Variants in TMEM260 observed in about 807,000 individuals in gnomAD.
TMEM260 encodes transmembrane protein 260.
Under a neutral mutation model 88.9 loss-of-function variants are expected in TMEM260, and 82 were observed. That is an observed-to-expected ratio of 0.92 (90% CI 0.77 to 1.11). The LOEUF (loss-of-function observed/expected upper bound fraction) is 1.11, where lower values mean the gene tolerates loss of function less well. Among genes scored for constraint, TMEM260 ranks in the 50% least tolerant of loss-of-function variants. TMEM260 has a pLI of 0.00. For synonymous variants in TMEM260, 314 were observed against 309.3 expected (o/e 1.02, Z -0.16); for missense variants, 902 against 853.4 (o/e 1.06, Z -0.71).
At chr14:56,662,554 C>A in the TMEM260 span, among the ~76,000 whole-genome samples, 1 of 152,140 alleles carries the variant, frequency 6.6e-6, no homozygotes, top group Non-Finnish European at 1.5e-5. Flanking sequence ...CAGAACCACC[C>A]CTGTGCCCAC....
In TMEM260 at chr14:56,612,025, TGG is replaced by T. The variant is rs546474109; in HGVS notation, c.817-218_817-217del. ...GGAATGGATTAAAAAAACTACCTAT[TGG>T]GTACTATGCTTATTACCTGGGTGAT... is the stretch of plus-strand genomic sequence containing the variant. On this transcript the variant is annotated intron_variant, in intron 6 of 15. Transcript: ENST00000261556. 2.1e-3 allele frequency among the ~76,000 whole-genome samples: 314 copies of T among 152,314 alleles called. 1 individual carries two copies. The highest frequency in any genetic ancestry group is 3.5e-3 in the Non-Finnish European group (236 of 68,004).
intron 3 of TMEM260, among the ~76,000 whole-genome samples, chr14:56,600,784 A>G (rs1023492898): frequency 6.6e-6 from 1 of 152,240 alleles, no homozygotes; most frequent in African/African-American, 2.4e-5. Flanking sequence ...TAGGACACCA[A>G]GGCAAATTCC....
chr14:56,593,525 A>G (rs926370855), intron 3 of TMEM260, among the ~76,000 whole-genome samples: 8 of 151,906 alleles, frequency 5.3e-5, no homozygotes, highest in African/African-American at 1.7e-4. Context: ...TTATTTATAT[A>G]AAACAAAATG....
chr14:56,582,685 G>A (rs977254526), intron 1 of TMEM260, among the ~76,000 whole-genome samples: 7 of 152,128 alleles, frequency 4.6e-5, no homozygotes, highest in Non-Finnish European at 7.4e-5. Context: ...TTAAAAAGCA[G>A]GTTAATTCTG....
chr14:56,597,240 A>C (rs1886303975), intron 3 of TMEM260, among the ~76,000 whole-genome samples: 1 of 152,222 alleles, frequency 6.6e-6, no homozygotes, highest in Admixed American at 6.5e-5. Context: ...TTGAATACTG[A>C]CATGATGCCC....
At chr14:56,600,903 A>G (rs1414365306) in intron 3 of TMEM260, among the ~76,000 whole-genome samples, 2 of 152,164 alleles carry the variant, frequency 1.3e-5, no homozygotes, top group African/African-American at 2.4e-5. Flanking sequence ...GTCTTCTACT[A>G]TTTTACTCAG....
chr14:56,657,283 G>T, the TMEM260 span, among the ~76,000 whole-genome samples: 5 of 151,308 alleles, frequency 3.3e-5, no homozygotes, highest in African/African-American at 1.2e-4. Flanking sequence ...TTTTGTAAAT[G>T]AGCACCCCAT....
At chr14:56,657,388 C>T in the TMEM260 span, among the ~76,000 whole-genome samples, 1 of 152,200 alleles carries the variant, frequency 6.6e-6, no homozygotes, top group Non-Finnish European at 1.5e-5. Context: ...GCAATCCTGT[C>T]ACCTCAGCCT....
chr14:56,650,162 A>G, downstream of TMEM260: 1 of 446,262 alleles, frequency 2.2e-6, no homozygotes, highest in Non-Finnish European at 4.5e-6. Context: ...CTTCTCATGC[A>G]AGATTTGGCC....
rs770956485 is a variant in TMEM260, at chr14:56,648,477, TCCC to T, written c.*984_*986del. The stretch of plus-strand genomic sequence containing the variant: ...AGGCCAGAATCTGTAGGGCTTCTTT[TCCC>T]CCCAATTGTATAGCTCCTAGACTCC... On this transcript the variant is annotated 3_prime_UTR_variant, in exon 16 of 16. Coordinates refer to ENST00000261556, the MANE Select transcript of TMEM260 (RefSeq NM_017799.4). 4 of 152,496 alleles carry T rather than the reference TCCC, an allele frequency of 2.6e-5. No homozygotes were observed. Among genetic ancestry groups the T allele is most frequent in the Non-Finnish European group, 5.9e-5 (4 of 68,000 alleles). 9.4% of individuals were successfully genotyped at this position (152,496 alleles called of 1,614,324 possible). A position where few individuals can be genotyped will look rare whatever the true frequency, so the allele number is the denominator to read the frequency against.
At chr14:56,639,886 C>G (rs1889438176) in intron 15 of TMEM260, among the ~76,000 whole-genome samples, 1 of 152,202 alleles carries the variant, frequency 6.6e-6, no homozygotes, top group Non-Finnish European at 1.5e-5. Context: ...TCACTCATTG[C>G]TAGCACAGCA....
intron 15 of TMEM260, among the ~76,000 whole-genome samples, chr14:56,643,378 C>G (rs1463844972): frequency 6.6e-6 from 1 of 152,162 alleles, no homozygotes; most frequent in South Asian, 2.1e-4. Flanking sequence ...TCAATGTAAT[C>G]CAGCATATAA....
chr14:56,628,957 A>G (rs1401536458), intron 12 of TMEM260, among the ~76,000 whole-genome samples: 3 of 151,220 alleles, frequency 2.0e-5, no homozygotes, highest in Non-Finnish European at 4.4e-5. Context: ...GTACAGTGGC[A>G]CAATCTTGGC....
intron 1 of TMEM260, among the ~76,000 whole-genome samples, chr14:56,580,578 C>T (rs937368216): frequency 6.6e-6 from 1 of 152,120 alleles, no homozygotes; most frequent in Admixed American, 6.5e-5. Flanking sequence ...GTAGTGGGTC[C>T]TTCCGAATGA....
At chr14:56,610,562 A>G (rs2139570683) in intron 6 of TMEM260, among the ~76,000 whole-genome samples, 1 of 152,270 alleles carries the variant, frequency 6.6e-6, no homozygotes, top group South Asian at 2.1e-4. Context: ...TGTTTCTTAA[A>G]TGAATGTTGG....
At chr14:56,585,643 A>G in intron 2 of TMEM260, 118 bp from the exon 3 acceptor site, 1 of 902,332 alleles carries the variant, frequency 1.1e-6, no homozygotes, top group Non-Finnish European at 1.7e-6. Context: ...TCAAACATTT[A>G]GTCATTGGTG....
chr14:56,659,768 T>G, the TMEM260 span, among the ~76,000 whole-genome samples: 1 of 152,180 alleles, frequency 6.6e-6, no homozygotes, highest in Non-Finnish European at 1.5e-5. Flanking sequence ...ATGAGTCAGG[T>G]TTTTGTAGCT....
intron 3 of TMEM260, among the ~76,000 whole-genome samples, chr14:56,596,320 CAATT>C (rs1886202131): frequency 1.3e-5 from 2 of 149,184 alleles, no homozygotes; most frequent in East Asian, 2.0e-4. Context: ...ATATGGGAAA[CAATT>C]AGTTTTTCAA....
chr14:56,654,429 C>G (rs1890263493), downstream of TMEM260, among the ~76,000 whole-genome samples: 1 of 152,078 alleles, frequency 6.6e-6, no homozygotes, highest in Admixed American at 6.6e-5. Context: ...AAATATGTCC[C>G]AGCTCCACTG....
Sources: allele counts gnomAD v4.1 joint callset (sites outside exome capture counted in the v4.1 genomes callset), GRCh38; gene constraint gnomAD v4.1.1; transcripts MANE v1.5; gene names NCBI Gene and HGNC (gene_info 2026-07-23, HGNC 2026-07-21).